The following RMDN2 variants were observed in gnomAD, a reference collection of about 807,000 sequenced individuals.
RMDN2 encodes the protein regulator of microtubule dynamics protein 2.
Under a neutral mutation model 52.8 loss-of-function variants are expected in RMDN2, and 61 were observed. That is an observed-to-expected ratio of 1.16 (90% CI 0.94 to 1.43). RMDN2 has a LOEUF of 1.43. Ranked by LOEUF, RMDN2 falls within the 40% of genes most tolerant of loss-of-function variation. The pLI is 0.00. For missense variants in RMDN2, 592 were observed against 475.3 expected (o/e 1.25, Z -2.28); for synonymous variants, 180 against 153.1 (o/e 1.18, Z -1.30).
chr2:37,940,077 G>C (rs1321568862), intron 2 of RMDN2, among the ~76,000 whole-genome samples: 1 of 152,150 alleles, frequency 6.6e-6, no homozygotes, highest in Non-Finnish European at 1.5e-5. Flanking sequence ...GGCAGGCCTG[G>C]TGGTGACAAA....
chr2:38,061,735 G>A (rs565243867), intron 10 of RMDN2, among the ~76,000 whole-genome samples: 2 of 152,172 alleles, frequency 1.3e-5, no homozygotes, highest in South Asian at 4.1e-4. Context: ...AGCTCCATGA[G>A]GTCAGGGCCT....
chr2:37,997,814 C>G (rs764188892), intron 8 of RMDN2: 1 of 300,778 alleles, frequency 3.3e-6, no homozygotes, highest in Non-Finnish European at 6.2e-6. Flanking sequence ...AAGAACAGCT[C>G]TCTGAGTCAC....
chr2:37,962,745 GA>G (rs1291492391), intron 2 of RMDN2, among the ~76,000 whole-genome samples: 156 of 145,152 alleles, frequency 1.1e-3, no homozygotes, highest in South Asian at 3.8e-3. Context: ...ACTGGGGTAC[GA>G]AAAAAAAAAA....
At chr2:38,004,507 G>C (rs1370241101) in intron 10 of RMDN2, among the ~76,000 whole-genome samples, 2 of 151,926 alleles carry the variant, frequency 1.3e-5, no homozygotes, top group Non-Finnish European at 2.9e-5. Context: ...CACTCTCTTA[G>C]CAAATTTCAA....
intron 10 of RMDN2, among the ~76,000 whole-genome samples, chr2:38,042,018 T>C (rs1487823960): frequency 6.6e-6 from 1 of 152,110 alleles, no homozygotes; most frequent in Non-Finnish European, 1.5e-5. Flanking sequence ...TTGCAGAAAA[T>C]TGGTATAATT....
chr2:38,057,256 T>C (rs1681885397), intron 10 of RMDN2, among the ~76,000 whole-genome samples: 3 of 152,238 alleles, frequency 2.0e-5, no homozygotes, highest in South Asian at 2.1e-4. Context: ...CTTGTGGTCT[T>C]TGTTACAACT....
rs1676735340 is a variant in RMDN2, at chr2:38,004,132, C to A, written c.1099-4C>A. Reference sequence around the variant, plus strand: ...GTTTAATATTGGTTATTTCTCATTTCCAGTGTTATACTGATCTTGAGGAAA... The same window carrying A: ...GTTTAATATTGGTTATTTCTCATTTACAGTGTTATACTGATCTTGAGGAAA... On this transcript the variant is annotated splice_region_variant and splice_polypyrimidine_tract_variant and intron_variant, in intron 9 of 10. Coordinates refer to ENST00000354545, the MANE Select transcript of RMDN2 (RefSeq NM_001170791.3). The A allele has an allele frequency of 6.2e-7, 1 of 1,612,768 alleles. No homozygotes were observed. Among genetic ancestry groups the A allele is most frequent in the Non-Finnish European group, 8.5e-7 (1 of 1,179,090 alleles).
At chr2:38,033,162 C>G (rs1680334982) in intron 10 of RMDN2, 1 of 152,184 alleles carries the variant, frequency 6.6e-6, no homozygotes, top group Non-Finnish European at 1.5e-5. Context: ...TGACGTCAAG[C>G]ATCCTTTCAT....
chr2:37,980,779 C>G (rs1190009077), intron 4 of RMDN2, among the ~76,000 whole-genome samples: 1 of 151,700 alleles, frequency 6.6e-6, no homozygotes, highest in East Asian at 1.9e-4. Flanking sequence ...GCTGTGCCCT[C>G]TTTTTCACCT....
intron 2 of RMDN2, among the ~76,000 whole-genome samples, chr2:37,954,885 T>C (rs1669258982): frequency 6.6e-6 from 1 of 152,150 alleles, no homozygotes; most frequent in Non-Finnish European, 1.5e-5. Context: ...AACAATGTTT[T>C]GTAGTTTTCA....
At chr2:38,031,551 A>C (rs565220810) in intron 10 of RMDN2, among the ~76,000 whole-genome samples, 2 of 152,224 alleles carry the variant, frequency 1.3e-5, no homozygotes, top group South Asian at 4.2e-4. Context: ...GATCTACCTA[A>C]CTGTCACAAA....
At chr2:38,022,885 A>G (rs754284707) in intron 10 of RMDN2, among the ~76,000 whole-genome samples, 1 of 152,224 alleles carries the variant, frequency 6.6e-6, no homozygotes, top group Non-Finnish European at 1.5e-5. Flanking sequence ...GTTGATGTGT[A>G]AGTGACAGGG....
chr2:37,984,777 C>G (rs1452402361), intron 5 of RMDN2, among the ~76,000 whole-genome samples: 2 of 151,804 alleles, frequency 1.3e-5, no homozygotes, highest in East Asian at 1.9e-4. Flanking sequence ...AGAATGACCT[C>G]TAGATGGAGG....
intron 2 of RMDN2, among the ~76,000 whole-genome samples, chr2:37,932,321 T>G (rs1162660054): frequency 6.6e-6 from 1 of 151,946 alleles, no homozygotes; most frequent in Non-Finnish European, 1.5e-5. Flanking sequence ...TGCACCGCCC[T>G]TAATCCATTC....
chr2:38,007,978 A>C (rs1677364200), intron 10 of RMDN2, among the ~76,000 whole-genome samples: 1 of 152,170 alleles, frequency 6.6e-6, no homozygotes, highest in Non-Finnish European at 1.5e-5. Flanking sequence ...GTAGTCACTC[A>C]GGAGCAGGTT....
At chr2:38,050,039 C>T (rs1249188141) in intron 10 of RMDN2, among the ~76,000 whole-genome samples, 1 of 152,102 alleles carries the variant, frequency 6.6e-6, no homozygotes, top group African/African-American at 2.4e-5. Flanking sequence ...GAATTTGGGA[C>T]CTTATTTATC....
chr2:38,065,199 A>C (rs1002895653), intron 10 of RMDN2, among the ~76,000 whole-genome samples: 1 of 152,222 alleles, frequency 6.6e-6, no homozygotes, highest in Non-Finnish European at 1.5e-5. Flanking sequence ...GGAGCTGAGA[A>C]AAGATTAAGC....
chr2:37,991,003 A>G (rs1037641964), intron 6 of RMDN2, among the ~76,000 whole-genome samples: 4 of 152,226 alleles, frequency 2.6e-5, no homozygotes, highest in Non-Finnish European at 4.4e-5. Flanking sequence ...TAAATTACAC[A>G]TAGCTTTATT....
At chr2:37,935,731 C>T (rs776558431) in intron 2 of RMDN2, among the ~76,000 whole-genome samples, 281 of 152,214 alleles carry the variant, frequency 1.8e-3, no homozygotes, top group Admixed American at 6.4e-3. Context: ...ATATGGCACA[C>T]ACATTTTGTA....
Sources: allele counts gnomAD v4.1 joint callset (sites outside exome capture counted in the v4.1 genomes callset), GRCh38; gene constraint gnomAD v4.1.1; transcripts MANE v1.5; gene names NCBI Gene and HGNC (gene_info 2026-07-23, HGNC 2026-07-21).